DISP2: variants seen among roughly 807,000 people sequenced by gnomAD.
The protein encoded by DISP2 is dispatched RND transporter family member 2.
A neutral mutation model predicts 95.5 loss-of-function variants in DISP2; 59 were observed. That is an observed-to-expected ratio of 0.62 (90% CI 0.50 to 0.77). The LOEUF (loss-of-function observed/expected upper bound fraction) is 0.77. DISP2 is among the 30% of genes least tolerant of loss of function. The probability of loss-of-function intolerance (pLI) is 0.00; values close to 1 mark genes in which losing one functional copy is unlikely to be tolerated. For synonymous variants in DISP2, 827 were observed against 815.0 expected (o/e 1.01, Z -0.25); for missense variants, 1,752 against 1,854.6 (o/e 0.94, Z 1.02).
chr15:40,365,834 A>G, intron 7 of DISP2, 109 bp downstream of exon 7: 1 of 1,094,816 alleles, frequency 9.1e-7, no homozygotes, highest in Non-Finnish European at 1.4e-6. Flanking sequence ...GGACTGGGGA[A>G]GAGCATTCCC....
At chr15:40,362,713 G>T (rs1353678313) in intron 1 of DISP2, among the ~76,000 whole-genome samples, 2 of 152,198 alleles carry the variant, frequency 1.3e-5, no homozygotes, top group African/African-American at 2.4e-5. Flanking sequence ...CTTCTCTGAG[G>T]TAGTACTAGT....
Position 40,363,789 on chromosome 15 carries a change from A to G in DISP2, c.284A>G (p.Tyr95Cys), listed in dbSNP as rs1349590834. 1.2e-6 allele frequency: 2 copies of G among 1,613,116 alleles called. No homozygotes were observed. Among genetic ancestry groups the G allele is most frequent in the Non-Finnish European group, 1.7e-6 (2 of 1,179,458 alleles). The part of the protein sequence containing the change: ...SSPLAPAHFT[Y>C]PRALQEYQGG... ...CCCTTGGCCCCTGCCCACTTCACCTATCCCCGGGCACTGCAGGAATACCAG... is the reference window on the plus strand; with the variant it reads ...CCCTTGGCCCCTGCCCACTTCACCTGTCCCCGGGCACTGCAGGAATACCAG... Residue 95 changes from tyrosine (Y) to cysteine (C), a missense_variant, in exon 2 of 8, where the codon TAT becomes TGT. This residue lies in a region of DISP2 where 342 missense variants were observed against 364.3 expected (regional missense o/e 0.94). Coordinates refer to ENST00000267889, the MANE Select transcript of DISP2 (RefSeq NM_033510.3).
Position 40,369,745 on chromosome 15 carries a change from T to G in DISP2, c.3633T>G (p.Pro1211=). Residue 1211 remains proline (P), a synonymous_variant, in exon 8 of 8, where the codon CCT becomes CCG. Coordinates refer to ENST00000267889, the MANE Select transcript of DISP2 (RefSeq NM_033510.3). ...GPCCSRPPPA[P]ASPRELLLDH... ...GCTGTTCCCGGCCCCCACCAGCCCC[T>G]GCCTCCCCAAGGGAGCTGCTGCTGG... The G allele has an allele frequency of 6.2e-7, 1 of 1,609,296 alleles. No individual in the cohort carries two copies. The highest frequency in any genetic ancestry group is 8.5e-7 in the Non-Finnish European group (1 of 1,179,166).
chr15:40,368,842 C>T lies in DISP2; in HGVS notation c.2730C>T (p.Asn910=), dbSNP rs761701963. ...LAALVLQFQT[N]FRNSPDYNQT... ...CCCTGGTCCTACAATTCCAGACCAA[C>T]TTCCGGAACAGTCCGGACTACAACC... is the stretch of plus-strand genomic sequence containing the variant. The change falls in exon 8 of 8, where the codon AAC becomes AAT. Residue 910 remains asparagine (N), a synonymous_variant. Transcript: ENST00000267889. The T allele has an allele frequency of 6.2e-6, 10 of 1,613,938 alleles. No homozygotes were observed. The highest frequency in any genetic ancestry group is 7.6e-6 in the Non-Finnish European group (9 of 1,180,062).
chr15:40,363,807 A>T lies in DISP2; in HGVS notation c.302A>T (p.Glu101Val). 1.9e-6 allele frequency: 3 copies of T among 1,612,608 alleles called. No individual in the cohort carries two copies. Among genetic ancestry groups the T allele is most frequent in the Non-Finnish European group, 2.5e-6 (3 of 1,179,050 alleles). Reference protein sequence around the residue: ...AHFTYPRALQEYQGGSSLPGL... With the variant: ...AHFTYPRALQVYQGGSSLPGL... ...TTCACCTATCCCCGGGCACTGCAGG[A>T]ATACCAGGGGGGCAGTTCCCTGCCA... Residue 101 changes from glutamate (E) to valine (V), a missense_variant, in exon 2 of 8, where the codon GAA becomes GTA. Glu to Val is a moderately radical substitution (Grantham distance 121). Coordinates refer to ENST00000267889, the MANE Select transcript of DISP2 (RefSeq NM_033510.3).
Position 40,369,089 on chromosome 15 carries a change from G to C in DISP2, c.2977G>C (p.Val993Leu), listed in dbSNP as rs149430916. ...GAATGTTCCCCTCAGCCTATTCTCC[G>C]TGGCAGCTGTGGCAGGCACCGTGCT... ...TWNVPLSLFSVAAVAGTVLLT... is the reference protein window; with the variant it reads ...TWNVPLSLFSLAAVAGTVLLT... Residue 993 changes from valine (V) to leucine (L), a missense_variant, in exon 8 of 8, where the codon GTG (valine) becomes CTG (leucine). Val to Leu is a conservative substitution (Grantham distance 32). Around this residue, in one of 5 missense-constraint regions of DISP2, gnomAD observed 317 missense variants for 394.9 expected, o/e 0.80. Coordinates refer to ENST00000267889, the MANE Select transcript of DISP2 (RefSeq NM_033510.3). The C allele has an allele frequency of 6.2e-7, 1 of 1,613,986 alleles. No homozygotes were observed. Among genetic ancestry groups the C allele is most frequent in the South Asian group, 1.1e-5 (1 of 91,090 alleles).
rs779179441 is a variant in DISP2 at position 40,368,570 on chromosome 15, C to T, written c.2458C>T (p.Arg820Trp). ...GCTGCTGGCACTCTGTCACCGGGCC[C>T]GGAATCAGAGCTTCTTCGACACCCT... is the stretch of plus-strand genomic sequence containing the variant. ...RWLLALCHRA[R>W]NQSFFDTLQE... The change falls in exon 8 of 8, where the codon CGG (arginine) becomes TGG (tryptophan). Residue 820 changes from arginine (R) to tryptophan (W), a missense_variant. This residue lies in a region of DISP2 where 732 missense variants were observed against 714.6 expected (regional missense o/e 1.02). Transcript: ENST00000267889. 1 of 1,604,334 alleles carries T rather than the reference C, an allele frequency of 6.2e-7. No homozygotes were observed. Among genetic ancestry groups the T allele is most frequent in the Non-Finnish European group, 8.5e-7 (1 of 1,179,890 alleles).
chr15:40,365,172 C>T lies in DISP2; in HGVS notation c.745C>T (p.Pro249Ser). Residue 249 changes from proline (P) to serine (S), a missense_variant, in exon 6 of 8, where the codon CCT becomes TCT. This residue lies in a region of DISP2 where 342 missense variants were observed against 364.3 expected (regional missense o/e 0.94). Transcript: ENST00000267889. The stretch of plus-strand genomic sequence containing the variant: ...CTCGAGCTCCCACAACACTCTGAGG[C>T]CTGCACCCAGAGGCAGTGCCCAGGA... ...NSSSSHNTLR[P>S]APRGSAQESA... 6.2e-7 allele frequency: 1 copy of T among 1,614,148 alleles called. No homozygotes were observed. Among genetic ancestry groups the T allele is most frequent in the Non-Finnish European group, 8.5e-7 (1 of 1,180,012 alleles).
rs1889581513 is a variant in DISP2, at chr15:40,369,136, TCTC to T, written c.3028_3030del (p.Leu1010del). The T allele has an allele frequency of 1.2e-6, 2 of 1,613,910 alleles. No homozygotes were observed. Among genetic ancestry groups the T allele is most frequent in the Non-Finnish European group, 1.7e-6 (2 of 1,180,026 alleles). On this transcript the variant is annotated inframe_deletion, in exon 8 of 8. Coordinates refer to ENST00000267889, the MANE Select transcript of DISP2 (RefSeq NM_033510.3). Reference sequence around the variant, plus strand: ...TGCTGCTCACTGTAGGACTCCTGGTTCTCCTCGAGTGGCAGCTCAACACTGCCG... The same window carrying T: ...TGCTGCTCACTGTAGGACTCCTGGTTCTCGAGTGGCAGCTCAACACTGCCG...
At chr15:40,362,286 T>C (rs1889418275) in intron 1 of DISP2, among the ~76,000 whole-genome samples, 2 of 152,208 alleles carry the variant, frequency 1.3e-5, no homozygotes, top group African/African-American at 4.8e-5. Context: ...CCCCACCCCC[T>C]GTCAAAGTTG....
rs763075475 is a variant in DISP2 at position 40,368,761 on chromosome 15, C to T, written c.2649C>T (p.Gly883=). Residue 883 remains glycine, a synonymous_variant, in exon 8 of 8, where the codon GGC becomes GGT. Coordinates refer to ENST00000267889, the MANE Select transcript of DISP2 (RefSeq NM_033510.3). The stretch of plus-strand genomic sequence containing the variant: ...TGAAAATGATGGCTCTGGAGCAAGG[C>T]CCCGATGGCACCCAGGACCTGGGAC... The part of the protein sequence containing the change: ...HCLKMMALEQ[G]PDGTQDLGLR... 2.1e-5 allele frequency: 34 copies of T among 1,613,672 alleles called. No individual in the cohort carries two copies. The highest frequency in any genetic ancestry group is 2.7e-5 in the Non-Finnish European group (32 of 1,180,034).
In DISP2 at chr15:40,368,401, GC is replaced by G; in HGVS notation, c.2290del (p.Gln764ArgfsTer33). On this transcript the variant is annotated frameshift_variant, in exon 8 of 8. Coordinates refer to ENST00000267889, the MANE Select transcript of DISP2 (RefSeq NM_033510.3). LOFTEE classifies it high-confidence loss of function. The stretch of plus-strand genomic sequence containing the variant: ...AGCTGTTCCTGTTCGAGCAGCTGCC[GC>G]AGGGCGAGGGCGGCCACATGCCCGT... Reference protein sequence around the residue: ...RQLFLFEQLPQGEGGHMPVVL... With the variant: ...RQLFLFEQLPXGEGGHMPVVL... 6.2e-7 allele frequency: 1 copy of G among 1,608,390 alleles called. No homozygotes were observed. The highest frequency in any genetic ancestry group is 8.5e-7 in the Non-Finnish European group (1 of 1,179,820).
rs1889734383 is a variant in DISP2, at chr15:40,376,570, A to C, written c.*6252A>C. 1 of 152,274 alleles carries C rather than the reference A, an allele frequency of 6.6e-6. No individual in the cohort carries two copies. The highest frequency in any genetic ancestry group is 1.5e-5 in the Non-Finnish European group (1 of 68,084). 9.4% of individuals were successfully genotyped at this position (152,274 alleles called of 1,614,324 possible). A position where few individuals can be genotyped will look rare whatever the true frequency, so the allele number is the denominator to read the frequency against. ...TGGAGGCAGAGGTTGCAGTGAGCCA[A>C]GATCATGCCATTGCACTCCAGCCTG... On this transcript the variant is annotated 3_prime_UTR_variant, in exon 8 of 8. Transcript: ENST00000267889.
intron 1 of DISP2, among the ~76,000 whole-genome samples, chr15:40,361,127 A>C (rs1473743707): frequency 1.3e-5 from 2 of 152,226 alleles, no homozygotes; most frequent in Non-Finnish European, 2.9e-5. Context: ...CTTGCTTTAG[A>C]ACAACTTTGG....
Position 40,370,748 on chromosome 15 carries a change from A to G in DISP2, c.*430A>G. ...CTTACTGACCAGAGGAGCCCGCAGC[A>G]ATCTCCACAGCCTCCTGGGTCTCAC... On this transcript the variant is annotated 3_prime_UTR_variant, in exon 8 of 8. Transcript: ENST00000267889. 1 of 443,948 alleles carries G rather than the reference A, an allele frequency of 2.3e-6. No individual in the cohort carries two copies. Among genetic ancestry groups the G allele is most frequent in the Non-Finnish European group, 4.5e-6 (1 of 220,110 alleles). The allele number at this position is 443,948 out of a possible 1,614,324, so 27.5% of individuals were successfully genotyped here.
chr15:40,368,378 C>G lies in DISP2; in HGVS notation c.2266C>G (p.Leu756Val). 1.2e-6 allele frequency: 2 copies of G among 1,607,264 alleles called. No individual in the cohort carries two copies. The highest frequency in any genetic ancestry group is 1.7e-6 in the Non-Finnish European group (2 of 1,179,688). ...GCGCTTCGACGCGGAGTATCGCCAG[C>G]TGTTCCTGTTCGAGCAGCTGCCGCA... Reference protein sequence around the residue: ...FERFDAEYRQLFLFEQLPQGE... With the variant: ...FERFDAEYRQVFLFEQLPQGE... The change falls in exon 8 of 8, where the codon CTG (leucine) becomes GTG (valine). Residue 756 changes from leucine to valine, a missense_variant. By Grantham distance (32) the Leu-to-Val change is conservative (BLOSUM62 1). Coordinates refer to ENST00000267889, the MANE Select transcript of DISP2 (RefSeq NM_033510.3).
rs765406694 is a variant in DISP2, at chr15:40,369,675, G to A, written c.3563G>A (p.Arg1188Gln). 4.6e-5 allele frequency: 74 copies of A among 1,611,956 alleles called. No homozygotes were observed. The highest frequency in any genetic ancestry group is 6.7e-5 in the African/African-American group (5 of 74,906). ...ACAGCCACCAGCAAGCTGTCCCACC[G>A]GCCCTCAGTACTCTCTGAGGATCTG... ...TSTATSKLSH[R>Q]PSVLSEDLQL... is the part of the protein sequence containing the mutation. The change falls in exon 8 of 8, where the codon CGG becomes CAG. Residue 1188 changes from arginine (R) to glutamine (Q), a missense_variant. Physicochemically the swap from Arg to Gln is conservative, Grantham distance 43. Around this residue, in one of 5 missense-constraint regions of DISP2, gnomAD observed 347 missense variants for 344.2 expected, o/e 1.01. Transcript: ENST00000267889.
rs545991265 is a variant in DISP2 at position 40,365,617 on chromosome 15, G to A, written c.848-11G>A. The A allele has an allele frequency of 4.0e-5, 64 of 1,614,102 alleles. No homozygotes were observed. In the East Asian group the frequency reaches 1.4e-3, roughly 35 times the overall value. On this transcript the variant is annotated splice_polypyrimidine_tract_variant and intron_variant, in intron 6 of 7. Coordinates refer to ENST00000267889, the MANE Select transcript of DISP2 (RefSeq NM_033510.3). ...AAGGACTGAGCTCCAGGTTGCGGGG[G>A]TATGTTGCAGAGAAGAGCTATGCAA... is the stretch of plus-strand genomic sequence containing the variant.
intron 1 of DISP2, among the ~76,000 whole-genome samples, chr15:40,360,121 G>A (rs538405050): frequency 1.7e-4 from 26 of 152,138 alleles, no homozygotes; most frequent in Non-Finnish European, 2.8e-4. Context: ...TGGGATGCTG[G>A]CCTCTTAAAT....
Sources: allele counts gnomAD v4.1 joint callset (sites outside exome capture counted in the v4.1 genomes callset), GRCh38; gene constraint gnomAD v4.1.1; regional missense constraint gnomAD v4.1.1; transcripts MANE v1.5; gene names NCBI Gene and HGNC (gene_info 2026-07-23, HGNC 2026-07-21).